NDRG3: variants seen among roughly 807,000 people sequenced by gnomAD.
NDRG3 encodes the protein protein NDRG3.
NDRG3 carries 23 observed loss-of-function variants against 57.2 expected under a neutral mutation model. The observed-to-expected ratio is 0.40, with a 90% confidence interval of 0.29 to 0.57. The LOEUF is 0.57. Ranked by LOEUF, NDRG3 falls within the 20% of genes least tolerant of loss-of-function variation. NDRG3 has a pLI of 0.42. For missense variants in NDRG3, 384 were observed against 457.3 expected (o/e 0.84, Z 1.46); for synonymous variants, 132 against 162.6 (o/e 0.81, Z 1.43).
rs996141136 is a variant in NDRG3, at chr20:36,734,736, C to T, written c.-49+11309G>A. 2.0e-5 allele frequency among the ~76,000 whole-genome samples: 3 copies of T among 151,662 alleles called. No homozygotes were observed. The South Asian group carries it at 6.3e-4, about 32-fold the overall frequency. On this transcript the variant is annotated intron_variant, in intron 1 of 15. Coordinates refer to ENST00000349004, the MANE Select transcript of NDRG3 (RefSeq NM_032013.4). ...CAGAATGTGTAGCAGCATCCCTGGC[C>T]TCCAATACTAGATGACAGTGGCACA... is the stretch of plus-strand genomic sequence containing the variant.
rs983726040 is a variant in NDRG3 at position 36,723,198 on chromosome 20, G to A, written c.-48-1415C>T. Among the ~76,000 whole-genome samples, 4 of 152,316 alleles carry A rather than the reference G, an allele frequency of 2.6e-5. No individual in the cohort carries two copies. The East Asian group carries it at 7.7e-4, about 29-fold the overall frequency. On this transcript the variant is annotated intron_variant, in intron 1 of 15. Coordinates refer to ENST00000349004, the MANE Select transcript of NDRG3 (RefSeq NM_032013.4). ...CATGAGAGATAATAATTTTGTTTTA[G>A]AGTGATCTATAGCAATAGAGAACTA...
intron 12 of NDRG3, among the ~76,000 whole-genome samples, chr20:36,664,305 CATG>C (rs1979434842): frequency 6.6e-6 from 1 of 152,072 alleles, no homozygotes; most frequent in South Asian, 2.1e-4. Flanking sequence ...GTAATGGGAT[CATG>C]ATTTTCCCCT....
intron 8 of NDRG3, among the ~76,000 whole-genome samples, chr20:36,678,921 T>A (rs1980997427): frequency 6.6e-6 from 1 of 152,214 alleles, no homozygotes; most frequent in African/African-American, 2.4e-5. Flanking sequence ...AATGGTTAAA[T>A]ACTTTGAAGA....
intron 9 of NDRG3, among the ~76,000 whole-genome samples, chr20:36,671,133 G>A (rs554150939): frequency 6.6e-6 from 1 of 152,322 alleles, no homozygotes; most frequent in Admixed American, 6.5e-5. Flanking sequence ...AGGAGATGCT[G>A]TCTTCTCTCA....
At chr20:36,661,737 G>A (rs1055365859) in intron 12 of NDRG3, among the ~76,000 whole-genome samples, 2 of 152,206 alleles carry the variant, frequency 1.3e-5, no homozygotes, top group African/African-American at 4.8e-5. Flanking sequence ...TGTCTGAAGT[G>A]ACAGGATCTA....
intron 1 of NDRG3, among the ~76,000 whole-genome samples, chr20:36,743,785 T>C (rs1986038245): frequency 6.7e-6 from 1 of 148,670 alleles, no homozygotes; most frequent in African/African-American, 2.5e-5. Context: ...GCCACTGTAC[T>C]CCAGCCTGGG....
intron 1 of NDRG3, among the ~76,000 whole-genome samples, chr20:36,731,579 G>A (rs562806835): frequency 1.3e-5 from 2 of 151,054 alleles, no homozygotes; most frequent in Non-Finnish European, 3.0e-5. Flanking sequence ...AGGCCGAGGC[G>A]AGTGGATCAC....
Position 36,712,762 on chromosome 20 carries a change from A to G in NDRG3, c.58-5755T>C, listed in dbSNP as rs1984002356. On this transcript the variant is annotated intron_variant, in intron 2 of 15. Coordinates refer to ENST00000349004, the MANE Select transcript of NDRG3 (RefSeq NM_032013.4). ...AGGCACACGCCACCATAACTGGCTC[A>G]TTTTTGTAGTTTTAATAGGGACAGG... Among the ~76,000 whole-genome samples the G allele has an allele frequency of 2.0e-5, 3 of 150,846 alleles. No individual in the cohort carries two copies. In the South Asian group the frequency reaches 6.3e-4, roughly 32 times the overall value.
intron 1 of NDRG3, among the ~76,000 whole-genome samples, chr20:36,736,692 C>G (rs908011380): frequency 2.8e-4 from 42 of 152,274 alleles, no homozygotes; most frequent in Non-Finnish European, 1.9e-4. Context: ...TCTCAGGAGA[C>G]TCCCCCAGGA....
At chr20:36,666,184 C>T (rs558971766) in intron 10 of NDRG3, 105 bp downstream of exon 10, 28 of 822,830 alleles carry the variant, frequency 3.4e-5, no homozygotes, top group East Asian at 5.0e-5. Context: ...ATTTTCACCT[C>T]GGAGAAGCTG....
intron 1 of NDRG3, among the ~76,000 whole-genome samples, chr20:36,742,204 T>C (rs1393339504): frequency 6.6e-6 from 1 of 152,138 alleles, no homozygotes; most frequent in Non-Finnish European, 1.5e-5. Flanking sequence ...GAACAGTGCT[T>C]TACTCTTCCC....
chr20:36,699,588 T>A (rs144855416), intron 3 of NDRG3, among the ~76,000 whole-genome samples: 1 of 152,196 alleles, frequency 6.6e-6, no homozygotes, highest in East Asian at 1.9e-4. Flanking sequence ...TGGCCACTGC[T>A]GAGAACTGAG....
chr20:36,700,322 G>A lies in NDRG3; in HGVS notation c.93+6650C>T, dbSNP rs1697380. The A allele has an allele frequency of 8.1e-3, 2,939 of 362,656 alleles. 77 individuals carry two copies. The highest frequency in any genetic ancestry group is 0.059 in the African/African-American group (2,750 of 46,658). 22.5% of individuals were successfully genotyped at this position (362,656 alleles called of 1,614,324 possible). ...CCAAGAGTCCTAGGCCCTGATCATT[G>A]CCCTATTTGGAGCAGCCCCTAGTTG... On this transcript the variant is annotated intron_variant, in intron 3 of 15. Transcript: ENST00000349004.
In NDRG3 at chr20:36,660,438, A is replaced by C. The variant is rs550853290; in HGVS notation, c.811-54T>G. Reference sequence around the variant, plus strand: ...ATTTTATGAGTTGCTAGGAAAAAAAACGAAATAGCTCGGTATGAGAATCAT... The same window carrying C: ...ATTTTATGAGTTGCTAGGAAAAAAACCGAAATAGCTCGGTATGAGAATCAT... On this transcript the variant is annotated intron_variant, in intron 12 of 15. Transcript: ENST00000349004. 132 of 1,356,224 alleles carry C rather than the reference A, an allele frequency of 9.7e-5. 1 individual carries two copies. In the African/African-American group the frequency reaches 1.5e-3, roughly 16 times the overall value. The allele number at this position is 1,356,224 out of a possible 1,614,324, so 84.0% of individuals were successfully genotyped here. A position where few individuals can be genotyped will look rare whatever the true frequency, so the allele number is the denominator to read the frequency against.
intron 13 of NDRG3, among the ~76,000 whole-genome samples, chr20:36,660,005 G>A (rs1234593692): frequency 1.3e-5 from 2 of 151,652 alleles, no homozygotes; most frequent in East Asian, 4.0e-4. Flanking sequence ...ACAGGAGATC[G>A]AGACCACCCT....
intron 6 of NDRG3, among the ~76,000 whole-genome samples, chr20:36,683,766 TA>T (rs1981537991): frequency 6.6e-6 from 1 of 151,828 alleles, no homozygotes; most frequent in Non-Finnish European, 1.5e-5. Flanking sequence ...TAGCTGTCAG[TA>T]TCCAACCCAT....
At chr20:36,722,433 G>A (rs1275264) in intron 1 of NDRG3, among the ~76,000 whole-genome samples, 2,010 of 152,276 alleles carry the variant, frequency 0.013, 37 homozygotes, top group African/African-American at 0.046. Flanking sequence ...TACATTTGCG[G>A]TAATATTTTT....
chr20:36,724,906 G>C (rs1197974782), intron 1 of NDRG3, among the ~76,000 whole-genome samples: 1 of 152,136 alleles, frequency 6.6e-6, no homozygotes, highest in African/African-American at 2.4e-5. Flanking sequence ...TCCAGCCTGG[G>C]CAACAGAACA....
At chr20:36,699,323 A>T (rs1162463001) in intron 3 of NDRG3, among the ~76,000 whole-genome samples, 1 of 152,172 alleles carries the variant, frequency 6.6e-6, no homozygotes, top group Non-Finnish European at 1.5e-5. Context: ...GGAATGGATA[A>T]ATTATTAAAG....
Sources: allele counts gnomAD v4.1 joint callset (sites outside exome capture counted in the v4.1 genomes callset), GRCh38; gene constraint gnomAD v4.1.1; transcripts MANE v1.5; gene names NCBI Gene and HGNC (gene_info 2026-07-23, HGNC 2026-07-21).